The following FAM90A20 variants were observed in gnomAD, a reference collection of about 807,000 sequenced individuals.
The protein encoded by FAM90A20 is family with sequence similarity 90 member A20.
At chr8:7,297,827 G>C in the FAM90A20 span, 3 of 1,059,686 alleles carry the variant, frequency 2.8e-6, no homozygotes. Flanking sequence ...CCGGAGACTG[G>C]AAAACGGACG....
the FAM90A20 span, chr8:7,297,463 G>T: frequency 6.5e-7 from 1 of 1,548,452 alleles, no homozygotes; most frequent in Non-Finnish European, 8.7e-7. Context: ...CACACAGCTT[G>T]GGCCTAGGCT....
At chr8:7,296,512 G>C in the FAM90A20 span, 2 of 642,314 alleles carry the variant, frequency 3.1e-6, 1 homozygote, top group African/African-American at 5.3e-5. Context: ...TTGTCTTCTT[G>C]GGGTCAGGGC....
At chr8:7,297,496 A>G in the FAM90A20 span, 1 of 1,525,688 alleles carries the variant, frequency 6.6e-7, no homozygotes, top group Non-Finnish European at 8.9e-7. Context: ...TTGGGTCAGG[A>G]GCCAAGAGAC....
chr8:7,296,375 C>A, the FAM90A20 span: 5 of 744,526 alleles, frequency 6.7e-6, no homozygotes, highest in Non-Finnish European at 2.4e-6. Context: ...AAAGGATCCA[C>A]GGAATCTTCT....
the FAM90A20 span, chr8:7,295,804 TA>T: frequency 1.8e-6 from 2 of 1,120,578 alleles, no homozygotes; most frequent in Non-Finnish European, 2.6e-6. Flanking sequence ...TGAACAAGGA[TA>T]AGGGAGAGAA....
the FAM90A20 span, among the ~76,000 whole-genome samples, chr8:7,296,747 G>A: frequency 2.9e-5 from 4 of 135,920 alleles, 1 homozygote; most frequent in East Asian, 8.1e-4. Context: ...CCACCAACCT[G>A]CCTTCGGAAA....
the FAM90A20 span, chr8:7,295,491 C>A: frequency 1.9e-6 from 1 of 514,054 alleles, no homozygotes; most frequent in Non-Finnish European, 3.3e-6. Flanking sequence ...ACTCTCCCAG[C>A]ACTTAACGGC....
chr8:7,297,304 G>C, the FAM90A20 span: 6 of 1,355,062 alleles, frequency 4.4e-6, 1 homozygote, highest in East Asian at 2.3e-5. Flanking sequence ...CTCTCCTCGT[G>C]GTGGAGCCGA....
At chr8:7,295,750 C>G in the FAM90A20 span, 1 of 1,234,182 alleles carries the variant, frequency 8.1e-7, no homozygotes. Flanking sequence ...GGAAGGAAAA[C>G]CTGAAACCAT....
the FAM90A20 span, chr8:7,297,591 A>G: frequency 6.7e-7 from 1 of 1,496,256 alleles, no homozygotes; most frequent in South Asian, 1.1e-5. Flanking sequence ...AGCACCATCC[A>G]GGGAGGTGAG....
chr8:7,297,447 C>T, the FAM90A20 span: 12 of 1,553,058 alleles, frequency 7.7e-6, 1 homozygote, highest in East Asian at 8.9e-5. Flanking sequence ...TGCCCATCAG[C>T]CGCCACACAC....
chr8:7,297,622 C>G, the FAM90A20 span: 19 of 1,419,162 alleles, frequency 1.3e-5, no homozygotes, highest in Non-Finnish European at 1.8e-5. Flanking sequence ...CGGAGAATCT[C>G]CAACCTCCAC....
the FAM90A20 span, chr8:7,295,798 C>G: frequency 1.9e-5 from 22 of 1,159,612 alleles, 2 homozygotes; most frequent in African/African-American, 5.3e-5. Context: ...GGCCCTTGAA[C>G]AAGGATAAGG....
the FAM90A20 span, among the ~76,000 whole-genome samples, chr8:7,296,729 C>T: frequency 2.9e-5 from 4 of 135,738 alleles, 1 homozygote; most frequent in African/African-American, 7.0e-5. Context: ...GTCCCGAGTA[C>T]CCTTGAGCCA....
At chr8:7,296,407 A>AC in the FAM90A20 span, 1 of 739,592 alleles carries the variant, frequency 1.4e-6, no homozygotes, top group Admixed American at 1.8e-5. Context: ...GGTGAGTGTC[A>AC]CCCCGGGCCC....
At chr8:7,296,800 C>G in the FAM90A20 span, among the ~76,000 whole-genome samples, 3 of 136,138 alleles carry the variant, frequency 2.2e-5, no homozygotes, top group East Asian at 6.0e-4. Flanking sequence ...AGTGGAGGCA[C>G]TTTGATCCAG....
At chr8:7,295,604 C>G in the FAM90A20 span, 3,065 of 654,234 alleles carry the variant, frequency 4.7e-3, 329 homozygotes, top group Non-Finnish European at 4.6e-3. Flanking sequence ...AGCTCACTCA[C>G]TGACATCACT....
At chr8:7,297,519 C>T in the FAM90A20 span, 22 of 1,514,846 alleles carry the variant, frequency 1.5e-5, 3 homozygotes, top group South Asian at 6.7e-5. Context: ...GCCCAGGCTC[C>T]GATTCAGGCT....
the FAM90A20 span, among the ~76,000 whole-genome samples, chr8:7,295,453 G>A: frequency 1.9e-5 from 2 of 106,238 alleles, no homozygotes; most frequent in South Asian, 5.6e-4. Context: ...TCCGTCACAC[G>A]GGCTTTGCGA....
Sources: gnomAD v4.1 joint callset for allele counts (sites outside exome capture counted in the v4.1 genomes callset) on GRCh38, gnomAD v4.1.1 for gene constraint, MANE v1.5 for transcripts, NCBI Gene and HGNC (gene_info 2026-07-23, HGNC 2026-07-21) for gene names.